Variants in B4GALT5 observed in about 807,000 individuals in gnomAD.
B4GALT5 encodes the protein beta-1,4-galactosyltransferase 5, also known as UDP-Gal:beta-GlcNAc beta-1,4-galactosyltransferase 5.
A neutral mutation model predicts 45.0 loss-of-function variants in B4GALT5; 11 were observed. That is an observed-to-expected ratio of 0.24 (90% CI 0.15 to 0.40). The LOEUF (loss-of-function observed/expected upper bound fraction) is 0.40. Among genes scored for constraint, B4GALT5 ranks in the 10% least tolerant of loss-of-function variants. The pLI is 1.00. For synonymous variants in B4GALT5, 185 were observed against 182.9 expected (o/e 1.01, Z -0.09); for missense variants, 337 against 500.2 (o/e 0.67, Z 3.11).
rs764071398 is a variant in B4GALT5, at chr20:49,633,045, A to G, written c.*3267T>C. 3.3e-5 allele frequency: 5 copies of G among 152,686 alleles called. No homozygotes were observed. The highest frequency in any genetic ancestry group is 6.5e-5 in the Admixed American group (1 of 15,290). 9.5% of individuals were successfully genotyped at this position (152,686 alleles called of 1,614,324 possible). A position where few individuals can be genotyped will look rare whatever the true frequency, so the allele number is the denominator to read the frequency against. On this transcript the variant is annotated 3_prime_UTR_variant, in exon 9 of 9. Transcript: ENST00000371711. ...GTAAATAATGTAATGACAAAGGACTATTTTTGTGAAAAGTGTTTTTTAAAA... is the reference window on the plus strand; with the variant it reads ...GTAAATAATGTAATGACAAAGGACTGTTTTTGTGAAAAGTGTTTTTTAAAA...
chr20:49,661,973 C>T (rs1033871833), intron 1 of B4GALT5, among the ~76,000 whole-genome samples: 1 of 152,166 alleles, frequency 6.6e-6, no homozygotes, highest in Non-Finnish European at 1.5e-5. Context: ...AATTTCCATT[C>T]AGATGCCAGT....
At chr20:49,703,165 CAA>C (rs11452162) in intron 1 of B4GALT5, among the ~76,000 whole-genome samples, 1 of 91,232 alleles carries the variant, frequency 1.1e-5, no homozygotes, top group Non-Finnish European at 2.1e-5. Flanking sequence ...GACTCCGTCT[CAA>C]AAAAAAAAAA....
chr20:49,656,771 G>C lies in B4GALT5; in HGVS notation c.116-69C>G, dbSNP rs1350873215. The C allele has an allele frequency of 4.6e-5, 72 of 1,581,398 alleles. 1 individual carries two copies. The highest frequency in any genetic ancestry group is 3.4e-6 in the Non-Finnish European group (4 of 1,164,198). On this transcript the variant is annotated intron_variant, in intron 1 of 8. Transcript: ENST00000371711. ...ATCATTTAAAAAAACATACCACATA[G>C]CTATGGATTTTTTTTTCTTTTTGGA...
rs2085708598 is a variant in B4GALT5, at chr20:49,669,874, G to A, written c.116-13172C>T. 6.8e-5 allele frequency among the ~76,000 whole-genome samples: 6 copies of A among 88,010 alleles called. No individual in the cohort carries two copies. In the South Asian group the frequency reaches 3.0e-3, roughly 45 times the overall value. The allele number at this position is 88,010 out of a possible 152,430, so 57.7% of individuals were successfully genotyped here. On this transcript the variant is annotated intron_variant, in intron 1 of 8. Transcript: ENST00000371711. ...CTTCACCAACTGTGCTGGTGTTCGT[G>A]CAGACTGGTATAAACCCTTTGGGAA...
At chr20:49,647,855 G>A (rs915205558) in intron 2 of B4GALT5, among the ~76,000 whole-genome samples, 1 of 151,780 alleles carries the variant, frequency 6.6e-6, no homozygotes, top group Non-Finnish European at 1.5e-5. Flanking sequence ...GTATTCTCTC[G>A]GTGATGATTC....
At chr20:49,699,536 G>T (rs1270393905) in intron 1 of B4GALT5, among the ~76,000 whole-genome samples, 3 of 152,072 alleles carry the variant, frequency 2.0e-5, no homozygotes, top group African/African-American at 7.2e-5. Flanking sequence ...TTCCCCAGTG[G>T]GTGCCTGAAA....
At chr20:49,656,428 C>G in intron 2 of B4GALT5, 140 bp downstream of exon 2, 2 of 1,079,168 alleles carry the variant, frequency 1.9e-6, no homozygotes, top group South Asian at 3.1e-5. Context: ...TTGGCAAGAG[C>G]TTTTTTAGCA....
chr20:49,636,282 G>A lies in B4GALT5; in HGVS notation c.*30C>T. 1 of 1,611,696 alleles carries A rather than the reference G, an allele frequency of 6.2e-7. No individual in the cohort carries two copies. The highest frequency in any genetic ancestry group is 8.5e-7 in the Non-Finnish European group (1 of 1,178,728). On this transcript the variant is annotated 3_prime_UTR_variant, in exon 9 of 9. Coordinates refer to ENST00000371711, the MANE Select transcript of B4GALT5 (RefSeq NM_004776.4). ...TCATCGGACTGCTTTCTTGGTGGCG[G>A]TGGGTAAAGCAAACGTACATTCTCT...
At chr20:49,688,047 G>T (rs1020592899) in intron 1 of B4GALT5, among the ~76,000 whole-genome samples, 1 of 152,114 alleles carries the variant, frequency 6.6e-6, no homozygotes, top group Admixed American at 6.6e-5. Flanking sequence ...TGCCAGGAAG[G>T]AGGCTGAGGA....
rs537829968 is a variant in B4GALT5, at chr20:49,636,539, C to T, written c.1020-80G>A. On this transcript the variant is annotated intron_variant, in intron 8 of 8. Coordinates refer to ENST00000371711, the MANE Select transcript of B4GALT5 (RefSeq NM_004776.4). ...GCAGCCAGAGGATGGAGCAGGGCGT[C>T]CCACAGCAGAGGACGCAACCCATGG... The T allele has an allele frequency of 6.7e-5, 101 of 1,515,174 alleles. No homozygotes were observed. The East Asian group carries it at 1.4e-3, about 20-fold the overall frequency. The allele number at this position is 1,515,174 out of a possible 1,614,324, so 93.9% of individuals were successfully genotyped here. A position where few individuals can be genotyped will look rare whatever the true frequency, so the allele number is the denominator to read the frequency against.
At chr20:49,638,501 C>T (rs776575244) in intron 7 of B4GALT5, among the ~76,000 whole-genome samples, 1 of 152,152 alleles carries the variant, frequency 6.6e-6, no homozygotes, top group Non-Finnish European at 1.5e-5. Context: ...GATTGTTCAC[C>T]CAAGCTTGTA....
intron 1 of B4GALT5, among the ~76,000 whole-genome samples, chr20:49,702,260 GAAAC>G (rs755086878): frequency 5.9e-5 from 9 of 152,034 alleles, no homozygotes; most frequent in South Asian, 2.1e-4. Flanking sequence ...TAGAGCAAGA[GAAAC>G]AAACAAACAA....
chr20:49,707,471 T>G (rs1326933457), intron 1 of B4GALT5, among the ~76,000 whole-genome samples: 1 of 151,794 alleles, frequency 6.6e-6, no homozygotes, highest in Non-Finnish European at 1.5e-5. Flanking sequence ...GCTCAGAAAC[T>G]GAGTGTGCTG....
rs187622168 is a variant in B4GALT5 at position 49,676,700 on chromosome 20, G to A, written c.116-19998C>T. Among the ~76,000 whole-genome samples the A allele has an allele frequency of 4.5e-4, 68 of 152,378 alleles. 1 individual carries two copies. In the East Asian group the frequency reaches 8.7e-3, roughly 19 times the overall value. Reference sequence around the variant, plus strand: ...TGCGTACAAACTCCCTAAAGTCACAGGAAGGAAGGGGAGGCACAACTGGAG... The same window carrying A: ...TGCGTACAAACTCCCTAAAGTCACAAGAAGGAAGGGGAGGCACAACTGGAG... On this transcript the variant is annotated intron_variant, in intron 1 of 8. Transcript: ENST00000371711.
intron 5 of B4GALT5, among the ~76,000 whole-genome samples, chr20:49,642,262 C>T (rs574939166): frequency 9.2e-5 from 14 of 152,282 alleles, no homozygotes; most frequent in Admixed American, 9.2e-4. Context: ...AAGCTCTCTC[C>T]TGGATTCAAG....
chr20:49,643,704 T>C, intron 3 of B4GALT5, 54 bp from the exon 4 acceptor site: 1 of 1,579,036 alleles, frequency 6.3e-7, no homozygotes, highest in East Asian at 2.3e-5. Flanking sequence ...TAGGTTTCCC[T>C]ATGCCTGGGG....
intron 1 of B4GALT5, among the ~76,000 whole-genome samples, chr20:49,696,702 A>T (rs2085840909): frequency 6.6e-6 from 1 of 152,250 alleles, no homozygotes; most frequent in Admixed American, 6.5e-5. Flanking sequence ...ACACAAGTGA[A>T]AACACTTGTG....
Position 49,713,733 on chromosome 20 carries a change from C to T in B4GALT5, c.-43G>A, listed in dbSNP as rs1600563695. 6.7e-6 allele frequency: 5 copies of T among 743,462 alleles called. No individual in the cohort carries two copies. Among genetic ancestry groups the T allele is most frequent in the Non-Finnish European group, 9.2e-6 (5 of 546,022 alleles). 46.1% of individuals were successfully genotyped at this position (743,462 alleles called of 1,614,324 possible). ...GCTAGAGAGCCAGGCCGGGCCTGCT[C>T]CCGCAGCTCCCCGTCCGCCGCCTCC... On this transcript the variant is annotated 5_prime_UTR_variant, in exon 1 of 9. Coordinates refer to ENST00000371711, the MANE Select transcript of B4GALT5 (RefSeq NM_004776.4).
chr20:49,641,987 G>A (rs1035456946), intron 5 of B4GALT5, among the ~76,000 whole-genome samples: 33 of 151,736 alleles, frequency 2.2e-4, no homozygotes, highest in Non-Finnish European at 2.4e-4. Context: ...TCTTCAGTTT[G>A]TGACCTCTAT....
Sources: allele counts gnomAD v4.1 joint callset (sites outside exome capture counted in the v4.1 genomes callset), GRCh38; gene constraint gnomAD v4.1.1; transcripts MANE v1.5; gene names NCBI Gene and HGNC (gene_info 2026-07-23, HGNC 2026-07-21).